The following RHOA variants were observed in gnomAD, a reference collection of about 807,000 sequenced individuals.
RHOA encodes the protein ras homolog family member A.
In RHOA, 3 loss-of-function variants were observed where a neutral mutation model predicts 17.5. The observed-to-expected ratio is 0.17, with a 90% CI of 0.08 to 0.44. The LOEUF is 0.44. RHOA is among the 20% of genes least tolerant of loss of function. The pLI is 0.99. For missense variants in RHOA, 56 were observed against 242.3 expected (o/e 0.23, Z 5.10); for synonymous variants, 98 against 88.4 (o/e 1.11, Z -0.61).
chr3:49,398,210 G>A (rs1434905009), intron 1 of RHOA, among the ~76,000 whole-genome samples: 1 of 151,902 alleles, frequency 6.6e-6, no homozygotes, highest in East Asian at 1.9e-4. Flanking sequence ...AAGTAGCCAA[G>A]TGTGGTGGCG....
rs187402968 is a variant in RHOA, at chr3:49,369,754, A to T, written c.157-1206T>A. On this transcript the variant is annotated intron_variant, in intron 2 of 4. Transcript: ENST00000418115. ...CGAGCCTCCATCTCTAAAAAAAAAA[A>T]AAATAAATAAAATAAAACTTAGCTG... Among the ~76,000 whole-genome samples, 494 of 149,380 alleles carry T rather than the reference A, an allele frequency of 3.3e-3. 2 individuals are homozygous for T. The highest frequency in any genetic ancestry group is 0.015 in the East Asian group (75 of 4,968).
Position 49,378,111 on chromosome 3 carries a change from TGCACTCCAGCCTGGGCAACAGA to T in RHOA, c.-2-2542_-2-2521del, listed in dbSNP as rs530715779. On this transcript the variant is annotated intron_variant, in intron 1 of 4. Coordinates refer to ENST00000418115, the MANE Select transcript of RHOA (RefSeq NM_001664.4). The stretch of plus-strand genomic sequence containing the variant: ...TTGCAGTGAGCCCAGATTGTACCAC[TGCACTCCAGCCTGGGCAACAGA>T]GCACTCCAGCCTGGGCAACAGAGTG... 7.8e-4 allele frequency among the ~76,000 whole-genome samples: 108 copies of T among 138,872 alleles called. 1 individual carries two copies. In the East Asian group the frequency reaches 0.018, roughly 23 times the overall value. The allele number at this position is 138,872 out of a possible 152,430, so 91.1% of individuals were successfully genotyped here. A position where few individuals can be genotyped will look rare whatever the true frequency, so the allele number is the denominator to read the frequency against.
At chr3:49,361,072 C>CAAAAAAA (rs375286398) in intron 4 of RHOA, 1 of 65,646 alleles carries the variant, frequency 1.5e-5, no homozygotes, top group African/African-American at 6.3e-5. Flanking sequence ...GGCTCCTTCT[C>CAAAAAAA]AAAAAAAACA....
At chr3:49,395,827 A>C (rs2107889065) in intron 1 of RHOA, among the ~76,000 whole-genome samples, 2 of 152,304 alleles carry the variant, frequency 1.3e-5, no homozygotes, top group South Asian at 4.1e-4. Context: ...CCCAAAAGAA[A>C]GAACCCTAAT....
intron 1 of RHOA, among the ~76,000 whole-genome samples, chr3:49,390,247 G>C (rs989304122): frequency 4.6e-5 from 7 of 151,828 alleles, no homozygotes; most frequent in African/African-American, 1.7e-4. Flanking sequence ...CGATTCTTGT[G>C]TCCCAGCCTT....
At chr3:49,408,445 T>G (rs1202630758) in intron 1 of RHOA, among the ~76,000 whole-genome samples, 2 of 152,170 alleles carry the variant, frequency 1.3e-5, no homozygotes, top group Non-Finnish European at 2.9e-5. Context: ...AAAAATGTAT[T>G]TGGATGAAGC....
chr3:49,372,274 G>A (rs2107844249), intron 2 of RHOA, among the ~76,000 whole-genome samples: 1 of 152,224 alleles, frequency 6.6e-6, no homozygotes, highest in South Asian at 2.1e-4. Flanking sequence ...CTTGGCTGAG[G>A]CTGAATTAAC....
At chr3:49,388,047 C>G (rs930721449) in intron 1 of RHOA, among the ~76,000 whole-genome samples, 5 of 151,698 alleles carry the variant, frequency 3.3e-5, no homozygotes, top group African/African-American at 9.7e-5. Context: ...CACTCTGTTG[C>G]CCAGGCTGGA....
At chr3:49,381,714 A>C (rs1313249353) in intron 1 of RHOA, among the ~76,000 whole-genome samples, 1 of 151,596 alleles carries the variant, frequency 6.6e-6, no homozygotes, top group Non-Finnish European at 1.5e-5. Context: ...AAAATAGAAA[A>C]ATTAGCCGGG....
At chr3:49,382,491 C>T (rs2048333838) in intron 1 of RHOA, among the ~76,000 whole-genome samples, 1 of 151,982 alleles carries the variant, frequency 6.6e-6, no homozygotes, top group African/African-American at 2.4e-5. Flanking sequence ...AAAAAATTAG[C>T]TGGCTGTGGT....
At chr3:49,362,043 C>T (rs1007518106) in intron 4 of RHOA, among the ~76,000 whole-genome samples, 3 of 151,826 alleles carry the variant, frequency 2.0e-5, no homozygotes, top group Middle Eastern at 3.4e-3. Flanking sequence ...AAAAATTAGC[C>T]GGTCATGGTG....
intron 1 of RHOA, among the ~76,000 whole-genome samples, chr3:49,383,010 C>G (rs551948771): frequency 6.6e-6 from 1 of 151,092 alleles, no homozygotes; most frequent in Non-Finnish European, 1.5e-5. Context: ...GCCGAGTTAG[C>G]GCCATTGCAC....
intron 1 of RHOA, among the ~76,000 whole-genome samples, chr3:49,399,334 C>A (rs2048679373): frequency 6.7e-6 from 1 of 150,344 alleles, no homozygotes; most frequent in Non-Finnish European, 1.5e-5. Context: ...CGCACCACTG[C>A]ACTGCAGCCT....
intron 1 of RHOA, among the ~76,000 whole-genome samples, chr3:49,379,393 G>A (rs2048283034): frequency 6.6e-6 from 1 of 152,116 alleles, no homozygotes; most frequent in African/African-American, 2.4e-5. Flanking sequence ...GAGAGAAATG[G>A]AAAATGACTA....
intron 1 of RHOA, among the ~76,000 whole-genome samples, chr3:49,388,020 T>C (rs921971478): frequency 6.6e-6 from 1 of 151,782 alleles, no homozygotes. Context: ...TTTTTTTTTT[T>C]CCTGGAGACA....
At chr3:49,393,674 C>CTGTGTG (rs200446484) in intron 1 of RHOA, among the ~76,000 whole-genome samples, 33 of 4,346 alleles carry the variant, frequency 7.6e-3, no homozygotes, top group African/African-American at 0.021. Flanking sequence ...CAAATTCTCT[C>CTGTGTG]TCTGTGTGTG....
chr3:49,375,260 C>CAA (rs757014144), intron 2 of RHOA, among the ~76,000 whole-genome samples, 174 bp downstream of exon 2: 8 of 120,390 alleles, frequency 6.6e-5, no homozygotes, highest in African/African-American at 1.9e-4. Context: ...ACTCCGTCTC[C>CAA]AAAAAAAAAA....
intron 1 of RHOA, among the ~76,000 whole-genome samples, chr3:49,395,768 G>GT (rs11409407): frequency 0.24 from 36,136 of 151,924 alleles, 4,611 homozygotes; most frequent in Middle Eastern, 0.28. Flanking sequence ...AAGTGATTGA[G>GT]TGGTTAACTG....
At chr3:49,404,699 C>T (rs2048792100) in intron 1 of RHOA, among the ~76,000 whole-genome samples, 1 of 144,984 alleles carries the variant, frequency 6.9e-6, no homozygotes, top group Non-Finnish European at 1.5e-5. Context: ...GAGGCCAAGG[C>T]AGGCAGATTG....
Sources: gnomAD v4.1 joint callset for allele counts (sites outside exome capture counted in the v4.1 genomes callset) on GRCh38, gnomAD v4.1.1 for gene constraint, MANE v1.5 for transcripts, NCBI Gene and HGNC (gene_info 2026-07-23, HGNC 2026-07-21) for gene names.